Variants in HMCN1 observed in about 807,000 individuals in gnomAD.
HMCN1 encodes hemicentin 1.
Under a neutral mutation model 625.9 loss-of-function variants are expected in HMCN1, and 321 were observed. The observed-to-expected ratio is 0.51, with a 90% CI of 0.47 to 0.56. The LOEUF is 0.56. HMCN1 is among the 20% of genes least tolerant of loss of function. The probability of loss-of-function intolerance (pLI) is 0.00; values close to 1 mark genes in which losing one functional copy is unlikely to be tolerated. For missense variants in HMCN1, 6,588 were observed against 6,887.3 expected (o/e 0.96, Z 1.54); for synonymous variants, 2,425 against 2,417.6 (o/e 1.00, Z -0.09).
At chr1:185,832,721 A>G (rs1161968446) in intron 1 of HMCN1, among the ~76,000 whole-genome samples, 2 of 152,154 alleles carry the variant, frequency 1.3e-5, no homozygotes, top group East Asian at 3.9e-4. Context: ...GGCTTTCTCA[A>G]CTGTGATAAA....
In HMCN1 at chr1:186,190,539, A is replaced by ATAAT. The variant is rs1283570913; in HGVS notation, c.*662_*665dup. 1 of 202,348 alleles carries ATAAT rather than the reference A, an allele frequency of 4.9e-6. No homozygotes were observed. Among genetic ancestry groups the ATAAT allele is most frequent in the East Asian group, 7.5e-5 (1 of 13,276 alleles). 12.5% of individuals were successfully genotyped at this position (202,348 alleles called of 1,614,324 possible). On this transcript the variant is annotated 3_prime_UTR_variant, in exon 107 of 107. Transcript: ENST00000271588. Reference sequence around the variant, plus strand: ...ATCAGCTGAACCACTTATGATAATAATAATAAAAAAGACTGCTTTGCCCTC... The same window carrying ATAAT: ...ATCAGCTGAACCACTTATGATAATAATAATTAATAAAAAAGACTGCTTTGCCCTC...
intron 14 of HMCN1, among the ~76,000 whole-genome samples, chr1:185,967,939 GCT>G (rs1390369977): frequency 6.6e-6 from 1 of 152,094 alleles, no homozygotes; most frequent in Admixed American, 6.6e-5. Flanking sequence ...AAGCACAAAT[GCT>G]CTCTTAAATT....
chr1:185,967,620 T>G (rs1401018366), intron 14 of HMCN1, among the ~76,000 whole-genome samples: 1 of 151,782 alleles, frequency 6.6e-6, no homozygotes. Flanking sequence ...AGAGTAGAGT[T>G]AGGACCACCA....
At chr1:186,110,079 T>C (rs757933940) in intron 71 of HMCN1, among the ~76,000 whole-genome samples, 5 of 152,190 alleles carry the variant, frequency 3.3e-5, no homozygotes, top group Non-Finnish European at 7.3e-5. Flanking sequence ...TTTAGACATT[T>C]TGAATTTGAA....
At chr1:185,770,310 CA>C (rs1656153753) in intron 1 of HMCN1, among the ~76,000 whole-genome samples, 1 of 151,958 alleles carries the variant, frequency 6.6e-6, no homozygotes, top group Non-Finnish European at 1.5e-5. Flanking sequence ...CTATTCTTAG[CA>C]AAAAGTAAAT....
At chr1:185,829,424 A>G (rs1021306237) in intron 1 of HMCN1, among the ~76,000 whole-genome samples, 1 of 151,988 alleles carries the variant, frequency 6.6e-6, no homozygotes, top group African/African-American at 2.4e-5. Flanking sequence ...TTACCCCCCA[A>G]CAGGCTGTGG....
At chr1:186,039,289 A>G (rs751539663) in intron 38 of HMCN1, among the ~76,000 whole-genome samples, 7 of 152,156 alleles carry the variant, frequency 4.6e-5, no homozygotes, top group Non-Finnish European at 7.3e-5. Context: ...GCTCTCTGAA[A>G]GAATCATAGG....
At chr1:185,797,934 CCAGCCTGGGCGA>C (rs1452420106) in intron 1 of HMCN1, among the ~76,000 whole-genome samples, 1 of 125,818 alleles carries the variant, frequency 7.9e-6, no homozygotes, top group Non-Finnish European at 1.6e-5. Flanking sequence ...CCACTGCACT[CCAGCCTGGGCGA>C]CAGAGCGAGA....
intron 93 of HMCN1, among the ~76,000 whole-genome samples, chr1:186,147,008 T>C (rs1159886325): frequency 6.6e-6 from 1 of 152,212 alleles, no homozygotes; most frequent in Non-Finnish European, 1.5e-5. Context: ...GTGGTCCTAA[T>C]ACTCCTCTTT....
chr1:186,086,204 T>G, intron 57 of HMCN1, 42 bp from the exon 58 acceptor site: 1 of 1,551,146 alleles, frequency 6.4e-7, no homozygotes, highest in South Asian at 1.1e-5. Context: ...GAATATATGT[T>G]GATAACACCT....
intron 15 of HMCN1, among the ~76,000 whole-genome samples, chr1:185,975,676 T>C (rs188631634): frequency 6.6e-6 from 1 of 152,362 alleles, no homozygotes; most frequent in African/African-American, 2.4e-5. Flanking sequence ...TTATTTTGCC[T>C]ATTATTTTTA....
At chr1:185,924,215 CTTTTTTT>C (rs58164381) in intron 8 of HMCN1, among the ~76,000 whole-genome samples, 18 of 43,642 alleles carry the variant, frequency 4.1e-4, no homozygotes, top group African/African-American at 1.5e-3. Context: ...CTGACCCAAT[CTTTTTTT>C]TTTTTTTTTT....
At chr1:186,108,164 C>G (rs549134235) in intron 70 of HMCN1, among the ~76,000 whole-genome samples, 29 of 151,512 alleles carry the variant, frequency 1.9e-4, no homozygotes, top group African/African-American at 6.5e-4. Context: ...ATAACCCGGA[C>G]AACGGCTCCC....
Position 185,995,056 on chromosome 1 carries a change from T to C in HMCN1, c.3747T>C (p.Thr1249=). 1 of 1,613,760 alleles carries C rather than the reference T, an allele frequency of 6.2e-7. No individual in the cohort carries two copies. Among genetic ancestry groups the C allele is most frequent in the Non-Finnish European group, 8.5e-7 (1 of 1,179,754 alleles). The change falls in exon 24 of 107, where the codon ACT becomes ACC. Residue 1249 remains threonine (T), a synonymous_variant. Transcript: ENST00000271588. ...GTGTTGCTACTAACATAGCAGGCACTGATGAAACAGAGATAACGCTACATG... is the reference window on the plus strand; with the variant it reads ...GTGTTGCTACTAACATAGCAGGCACCGATGAAACAGAGATAACGCTACATG... ...YTCVATNIAG[T]DETEITLHVQ...
chr1:185,991,398 A>G (rs1652414112), intron 22 of HMCN1, among the ~76,000 whole-genome samples: 1 of 152,142 alleles, frequency 6.6e-6, no homozygotes, highest in Non-Finnish European at 1.5e-5. Context: ...GTTCCCTTCC[A>G]CAGTCGCAGT....
chr1:186,066,361 T>G (rs1658112986), intron 49 of HMCN1, among the ~76,000 whole-genome samples: 1 of 152,118 alleles, frequency 6.6e-6, no homozygotes, highest in Admixed American at 6.6e-5. Context: ...TCCACCAACT[T>G]CATAAAGTAG....
chr1:185,905,184 A>C (rs773193520), intron 4 of HMCN1, among the ~76,000 whole-genome samples: 3 of 151,828 alleles, frequency 2.0e-5, no homozygotes, highest in African/African-American at 7.2e-5. Flanking sequence ...CTTTTAGCAC[A>C]CATTTAACTC....
chr1:185,963,750 T>G lies in HMCN1; in HGVS notation c.1971-18T>G. The G allele has an allele frequency of 3.2e-6, 5 of 1,555,044 alleles. No homozygotes were observed. The Middle Eastern group carries it at 8.7e-4, about 271-fold the overall frequency. On this transcript the variant is annotated intron_variant, in intron 12 of 106. Coordinates refer to ENST00000271588, the MANE Select transcript of HMCN1 (RefSeq NM_031935.3). ...GTGGCATTTTCAATTTTATATTCTT[T>G]TTGTTTTTTATTCATAGGTATAGGA...
At chr1:185,828,606 C>G (rs980691430) in intron 1 of HMCN1, among the ~76,000 whole-genome samples, 1 of 151,998 alleles carries the variant, frequency 6.6e-6, no homozygotes, top group South Asian at 2.1e-4. Flanking sequence ...CCTGAAAACA[C>G]AATACTTCTT....
Sources: allele counts gnomAD v4.1 joint callset (sites outside exome capture counted in the v4.1 genomes callset), GRCh38; gene constraint gnomAD v4.1.1; transcripts MANE v1.5; gene names NCBI Gene and HGNC (gene_info 2026-07-23, HGNC 2026-07-21).